STAT6: variants seen among roughly 807,000 people sequenced by gnomAD.
STAT6 encodes STAT, interleukin4-induced.
In STAT6, 45 loss-of-function variants were observed where a neutral mutation model predicts 106.3. The ratio of observed to expected loss-of-function variants is 0.42; its 90% CI spans 0.33 to 0.54. STAT6 has a LOEUF of 0.54. Among genes scored for constraint, STAT6 ranks in the 20% least tolerant of loss-of-function variants. STAT6 has a pLI of 0.06. For missense variants in STAT6, 797 were observed against 1,062.2 expected (o/e 0.75, Z 3.47); for synonymous variants, 413 against 413.6 (o/e 1.00, Z 0.02).
Position 57,108,100 on chromosome 12 carries a change from T to G in STAT6, c.116+63A>C, listed in dbSNP as rs1417912731. ...ATCCATGGGTGAGGGGAGAAAAATC[T>G]AAGGAGAAGGAAGATGAGTTAGGGA... On this transcript the variant is annotated intron_variant, in intron 2 of 21. Coordinates refer to ENST00000300134, the MANE Select transcript of STAT6 (RefSeq NM_003153.5). 4 of 1,089,874 alleles carry G rather than the reference T, an allele frequency of 3.7e-6. No homozygotes were observed. The Admixed American group carries it at 7.9e-5, about 22-fold the overall frequency. The allele number at this position is 1,089,874 out of a possible 1,614,324, so 67.5% of individuals were successfully genotyped here.
Position 57,106,688 on chromosome 12 carries a change from C to A in STAT6, c.478+5G>T, listed in dbSNP as rs377291888. 1 of 1,614,144 alleles carries A rather than the reference C, an allele frequency of 6.2e-7. No homozygotes were observed. The highest frequency in any genetic ancestry group is 8.5e-7 in the Non-Finnish European group (1 of 1,180,020). On this transcript the variant is annotated splice_donor_5th_base_variant and intron_variant, in intron 5 of 21. Transcript: ENST00000300134. Reference sequence around the variant, plus strand: ...CACACTCCCCAGAACCACCCTGGCCCCCACCTTGGCCAGCCTCAGCCCCCT... The same window carrying A: ...CACACTCCCCAGAACCACCCTGGCCACCACCTTGGCCAGCCTCAGCCCCCT...
chr12:57,098,897 T>A lies in STAT6; in HGVS notation c.1961A>T (p.Gln654Leu), dbSNP rs1379093540. The change falls in exon 18 of 22, where the codon CAA (glutamine) becomes CTA (leucine). Residue 654 changes from glutamine (Q) to leucine (L), a missense_variant. Physicochemically the swap from Gln to Leu is moderately radical, Grantham distance 113. Coordinates refer to ENST00000300134, the MANE Select transcript of STAT6 (RefSeq NM_003153.5). ...ATIKMTVERD[Q>L]PLPTPELQMP... is the part of the protein sequence containing the mutation. ...CTGGAGCTCTGGGGTAGGAAGTGGT[T>A]GGTCCCTGGAGGAGGGAAGGAGGTA... The A allele has an allele frequency of 2.5e-6, 4 of 1,613,596 alleles. No homozygotes were observed. Among genetic ancestry groups the A allele is most frequent in the Non-Finnish European group, 3.4e-6 (4 of 1,179,810 alleles).
chr12:57,099,427 T>C lies in STAT6; in HGVS notation c.1758A>G (p.Ile586Met). 6.2e-7 allele frequency: 1 copy of C among 1,614,158 alleles called. No homozygotes were observed. The highest frequency in any genetic ancestry group is 1.1e-5 in the South Asian group (1 of 91,088). ...TGGCAGAGAATGGCTGGATGTTCTC[T>C]ATCTGTGGAGAGCCTATGGTAGGAA... is the stretch of plus-strand genomic sequence containing the variant. ...VIRGQDGSPQ[I>M]ENIQPFSAKD... The change falls in exon 16 of 22, where the codon ATA becomes ATG. Residue 586 changes from isoleucine to methionine, a missense_variant. Ile to Met is a conservative substitution (Grantham distance 10, BLOSUM62 1). Transcript: ENST00000300134. The surrounding 1 kb of genome is among the most constrained non-coding windows in gnomAD (Gnocchi z 4.7).
At chr12:57,100,700 GA>G (rs2033835408) in intron 13 of STAT6, 4 of 64,818 alleles carry the variant, frequency 6.2e-5, no homozygotes, top group Non-Finnish European at 8.9e-5. Context: ...AAGAAAGAAA[GA>G]GAAAGAAAGA....
intron 1 of STAT6, 109 bp from the exon 2 acceptor site, chr12:57,108,408 C>A: frequency 3.1e-6 from 2 of 644,492 alleles, no homozygotes; most frequent in South Asian, 1.7e-5. Context: ...CCGTCCCCAC[C>A]ACCACTCATG....
intron 13 of STAT6, chr12:57,100,727 AAAGAAAGAAAGAAAG>A (rs1246011397): frequency 3.2e-4 from 63 of 199,670 alleles, no homozygotes; most frequent in Non-Finnish European, 4.5e-4. Flanking sequence ...AGAAAGAAAG[AAAGAAAGAAAGAAAG>A]AAAGAAAAGA....
chr12:57,108,346 G>T, intron 1 of STAT6, 47 bp from the exon 2 acceptor site: 2 of 1,061,070 alleles, frequency 1.9e-6, no homozygotes, highest in Non-Finnish European at 2.8e-6. Flanking sequence ...CAAGAAACTT[G>T]GCCTATCTCC....
chr12:57,111,324 C>G lies in STAT6; in HGVS notation c.-217G>C, dbSNP rs1054742101. ...CACACACACACACACACACACTCCT[C>G]TCCCGTCCTCCCTCTTCAGTGTAAG... On this transcript the variant is annotated 5_prime_UTR_variant, in exon 1 of 22. Transcript: ENST00000300134. The G allele has an allele frequency of 2.6e-5, 4 of 152,006 alleles. No homozygotes were observed. The East Asian group carries it at 5.8e-4, about 22-fold the overall frequency. The allele number at this position is 152,006 out of a possible 1,614,324, so 9.4% of individuals were successfully genotyped here. A position where few individuals can be genotyped will look rare whatever the true frequency, so the allele number is the denominator to read the frequency against.
chr12:57,104,365 A>C, intron 11 of STAT6, 99 bp downstream of exon 11: 1 of 1,474,386 alleles, frequency 6.8e-7, no homozygotes, highest in Non-Finnish European at 9.1e-7. Context: ...CACATGGGGT[A>C]TGGGGCAGTC....
In STAT6 at chr12:57,104,515, G is replaced by A; in HGVS notation, c.1161C>T (p.Leu387=). Reference sequence around the variant, plus strand: ...GGCCAAGTGTGAAGCTGGCAGAGAAGAGCACAGCGCACTTCTCCTCTGTGA... The same window carrying A: ...GGCCAAGTGTGAAGCTGGCAGAGAAAAGCACAGCGCACTTCTCCTCTGTGA... ...ESVTEEKCAV[L]FSASFTLGPG... is the part of the protein sequence containing the mutation. The change falls in exon 11 of 22, where the codon CTC becomes CTT. Residue 387 remains leucine (L), a synonymous_variant. Coordinates refer to ENST00000300134, the MANE Select transcript of STAT6 (RefSeq NM_003153.5). 3.1e-6 allele frequency: 5 copies of A among 1,613,496 alleles called. No homozygotes were observed. The highest frequency in any genetic ancestry group is 4.2e-6 in the Non-Finnish European group (5 of 1,179,820).
intron 20 of STAT6, 28 bp downstream of exon 20, chr12:57,097,040 T>C (rs746441397): frequency 1.9e-6 from 3 of 1,587,810 alleles, no homozygotes; most frequent in East Asian, 4.5e-5. Flanking sequence ...AAGAGGCACA[T>C]GGGGTCAGGA....
In STAT6 at chr12:57,099,250, A is replaced by C; in HGVS notation, c.1891+44T>G. 6.2e-7 allele frequency: 1 copy of C among 1,612,560 alleles called. No homozygotes were observed. On this transcript the variant is annotated intron_variant, in intron 16 of 21. Transcript: ENST00000300134. The surrounding 1 kb of genome is among the most constrained non-coding windows in gnomAD (Gnocchi z 4.7). ...AGGAGGGCAGCGGGGAGCAGGGAGG[A>C]AGTGGGTGACAGGAAGGAATCAGAG...
Position 57,099,544 on chromosome 12 carries a change from A to G in STAT6, c.1745-104T>C. ...CTCACTCCACCAAGGCAAGGGAGAGAGGACCTAGGGTGGGGCTCCTGAGGG... is the reference window on the plus strand; with the variant it reads ...CTCACTCCACCAAGGCAAGGGAGAGGGGACCTAGGGTGGGGCTCCTGAGGG... On this transcript the variant is annotated intron_variant, in intron 15 of 21. Coordinates refer to ENST00000300134, the MANE Select transcript of STAT6 (RefSeq NM_003153.5). This position sits in a 1 kb window ranked among gnomAD's most constrained non-coding sequence, Gnocchi z 4.7. 6.6e-7 allele frequency: 1 copy of G among 1,525,958 alleles called. No individual in the cohort carries two copies. Among genetic ancestry groups the G allele is most frequent in the Non-Finnish European group, 9.0e-7 (1 of 1,116,122 alleles). The allele number at this position is 1,525,958 out of a possible 1,614,324, so 94.5% of individuals were successfully genotyped here. A position where few individuals can be genotyped will look rare whatever the true frequency, so the allele number is the denominator to read the frequency against.
chr12:57,110,716 C>T (rs183463214), intron 1 of STAT6, among the ~76,000 whole-genome samples: 1 of 152,114 alleles, frequency 6.6e-6, no homozygotes, highest in African/African-American at 2.4e-5. Flanking sequence ...TGCTCACGCC[C>T]CAGCCACACC....
chr12:57,102,708 G>T, intron 12 of STAT6, 121 bp downstream of exon 12: 1 of 958,838 alleles, frequency 1.0e-6, no homozygotes, highest in Non-Finnish European at 1.6e-6. Flanking sequence ...GCAGGCCCAT[G>T]AGAAAGTGTT....
Position 57,099,127 on chromosome 12 carries a change from G to A in STAT6, c.1892-49C>T, listed in dbSNP as rs749359171. On this transcript the variant is annotated intron_variant, in intron 16 of 21. Coordinates refer to ENST00000300134, the MANE Select transcript of STAT6 (RefSeq NM_003153.5). The surrounding 1 kb of genome is among the most constrained non-coding windows in gnomAD (Gnocchi z 4.7). ...CCATGGAGTGCTCTGGGGTTAGGGAGGAAGGGAGGTGGAAAAGGTGGGCAT... is the reference window on the plus strand; with the variant it reads ...CCATGGAGTGCTCTGGGGTTAGGGAAGAAGGGAGGTGGAAAAGGTGGGCAT... 3 of 1,607,734 alleles carry A rather than the reference G, an allele frequency of 1.9e-6. No homozygotes were observed. Among genetic ancestry groups the A allele is most frequent in the Non-Finnish European group, 2.5e-6 (3 of 1,177,920 alleles).
Position 57,096,281 on chromosome 12 carries a change from G to C in STAT6, c.*291C>G. On this transcript the variant is annotated 3_prime_UTR_variant, in exon 22 of 22. Transcript: ENST00000300134. ...CAGAGAGCTCTGTATGTGTGTGTGC[G>C]TGCGTGTGCGCGCTGCAGGTGCAGG... is the stretch of plus-strand genomic sequence containing the variant. 2.5e-6 allele frequency: 1 copy of C among 401,086 alleles called. No homozygotes were observed. 24.8% of individuals were successfully genotyped at this position (401,086 alleles called of 1,614,324 possible). A position where few individuals can be genotyped will look rare whatever the true frequency, so the allele number is the denominator to read the frequency against.
Position 57,104,515 on chromosome 12 carries a change from G to C in STAT6, c.1161C>G (p.Leu387=). The C allele has an allele frequency of 6.2e-7, 1 of 1,613,496 alleles. No homozygotes were observed. ...GGCCAAGTGTGAAGCTGGCAGAGAAGAGCACAGCGCACTTCTCCTCTGTGA... is the reference window on the plus strand; with the variant it reads ...GGCCAAGTGTGAAGCTGGCAGAGAACAGCACAGCGCACTTCTCCTCTGTGA... The part of the protein sequence containing the change: ...ESVTEEKCAV[L]FSASFTLGPG... Residue 387 remains leucine (L), a synonymous_variant, in exon 11 of 22, where the codon CTC becomes CTG. Coordinates refer to ENST00000300134, the MANE Select transcript of STAT6 (RefSeq NM_003153.5).
intron 1 of STAT6, chr12:57,110,584 G>C (rs1003949900): frequency 2.0e-5 from 3 of 152,222 alleles, no homozygotes; most frequent in Non-Finnish European, 4.4e-5. Context: ...AGTTCAGCAC[G>C]AGGAGGGTTA....
Sources: allele counts gnomAD v4.1 joint callset (sites outside exome capture counted in the v4.1 genomes callset), GRCh38; gene constraint gnomAD v4.1.1; non-coding constraint Gnocchi (gnomAD v3.1); transcripts MANE v1.5; gene names NCBI Gene and HGNC (gene_info 2026-07-23, HGNC 2026-07-21).